RAD51B: variants seen among roughly 807,000 people sequenced by gnomAD.
The protein encoded by RAD51B is DNA repair protein RAD51 homolog 2.
Under a neutral mutation model 42.2 loss-of-function variants are expected in RAD51B, and 38 were observed. The ratio of observed to expected loss-of-function variants is 0.90; its 90% CI spans 0.70 to 1.18. RAD51B has a LOEUF of 1.18. Among genes scored for constraint, RAD51B ranks in the 50% most tolerant of loss-of-function variants. The pLI, the probability that RAD51B is intolerant of heterozygous loss-of-function variation, is 0.00. For synonymous variants in RAD51B, 154 were observed against 145.2 expected (o/e 1.06, Z -0.43); for missense variants, 373 against 400.7 (o/e 0.93, Z 0.59).
rs186548878 is a variant in RAD51B, at chr14:68,232,883, G to A, written c.757-59001G>A. Among the ~76,000 whole-genome samples the A allele has an allele frequency of 1.2e-3, 188 of 152,226 alleles. 1 individual carries two copies. The highest frequency in any genetic ancestry group is 4.4e-3 in the African/African-American group (184 of 41,530). ...TCATTTTCTTGTTCTGACTCATTCA[G>A]GCCTCTAGAAAAATAGCTGTAGGTA... is the stretch of plus-strand genomic sequence containing the variant. On this transcript the variant is annotated intron_variant, in intron 7 of 10. Transcript: ENST00000471583.
intron 7 of RAD51B, among the ~76,000 whole-genome samples, chr14:67,948,599 A>C (rs970161567): frequency 1.3e-5 from 2 of 151,986 alleles, no homozygotes; most frequent in African/African-American, 2.4e-5. Context: ...TTTATACTAC[A>C]TTGTAGTCTA....
At chr14:68,653,910 GC>G (rs1892755240) in intron 11 of RAD51B, among the ~76,000 whole-genome samples, 1 of 152,252 alleles carries the variant, frequency 6.6e-6, no homozygotes, top group African/African-American at 2.4e-5. Flanking sequence ...GCCTGACATG[GC>G]AGCTACTGGG....
At chr14:68,112,451 G>A (rs2077474216) in intron 7 of RAD51B, among the ~76,000 whole-genome samples, 1 of 152,058 alleles carries the variant, frequency 6.6e-6, no homozygotes, top group South Asian at 2.1e-4. Context: ...CCTGGACTAA[G>A]ATAGATGGCA....
intron 7 of RAD51B, among the ~76,000 whole-genome samples, chr14:68,163,196 A>G (rs1403130150): frequency 1.3e-5 from 2 of 152,216 alleles, no homozygotes; most frequent in Non-Finnish European, 2.9e-5. Flanking sequence ...ATCTTTTACA[A>G]TCCAGCAAGT....
At chr14:68,252,527 CCAAA>C (rs1333484452) in intron 7 of RAD51B, among the ~76,000 whole-genome samples, 1 of 152,116 alleles carries the variant, frequency 6.6e-6, no homozygotes, top group Non-Finnish European at 1.5e-5. Context: ...ATGTCTTTTG[CCAAA>C]CAATGGAGAA....
At chr14:68,001,796 C>T (rs1164820437) in intron 7 of RAD51B, among the ~76,000 whole-genome samples, 4 of 152,092 alleles carry the variant, frequency 2.6e-5, no homozygotes, top group Non-Finnish European at 4.4e-5. Context: ...GAACATGTGG[C>T]GTTTGGTTTT....
At chr14:68,662,334 A>G (rs551124083) in intron 11 of RAD51B, among the ~76,000 whole-genome samples, 1 of 152,326 alleles carries the variant, frequency 6.6e-6, no homozygotes, top group East Asian at 1.9e-4. Context: ...TAATCCTATT[A>G]TATTTCATCT....
intron 7 of RAD51B, among the ~76,000 whole-genome samples, chr14:68,196,480 A>G (rs1021568005): frequency 6.6e-6 from 1 of 151,942 alleles, no homozygotes; most frequent in Non-Finnish European, 1.5e-5. Flanking sequence ...ACATCTTCAC[A>G]CAGGTTCTTT....
chr14:67,989,649 A>AAAAAG (rs2075257428), intron 7 of RAD51B, among the ~76,000 whole-genome samples: 1 of 150,968 alleles, frequency 6.6e-6, no homozygotes, highest in Non-Finnish European at 1.5e-5. Flanking sequence ...AAAAAAAAAA[A>AAAAAG]AAAAAAAAGA....
chr14:67,963,936 C>G (rs2074717942), intron 7 of RAD51B, among the ~76,000 whole-genome samples: 1 of 151,742 alleles, frequency 6.6e-6, no homozygotes, highest in South Asian at 2.1e-4. Flanking sequence ...TGAAAACCAT[C>G]TAGTATATTT....
chr14:68,380,147 T>A (rs2083452162), intron 8 of RAD51B, among the ~76,000 whole-genome samples: 1 of 152,242 alleles, frequency 6.6e-6, no homozygotes, highest in African/African-American at 2.4e-5. Flanking sequence ...GGAGATGTTC[T>A]CGTGCTTAAA....
chr14:68,153,244 A>G (rs940949444), intron 7 of RAD51B, among the ~76,000 whole-genome samples: 6 of 152,140 alleles, frequency 3.9e-5, no homozygotes, highest in Non-Finnish European at 7.4e-5. Context: ...TAAATCCCAC[A>G]CTCGATTTTG....
chr14:68,084,977 A>G (rs562093471), intron 7 of RAD51B, among the ~76,000 whole-genome samples: 1 of 152,352 alleles, frequency 6.6e-6, no homozygotes, highest in Admixed American at 6.5e-5. Flanking sequence ...AATTTTATAC[A>G]GAGATATTTA....
intron 7 of RAD51B, among the ~76,000 whole-genome samples, chr14:68,061,321 G>A (rs773107824): frequency 4.6e-5 from 7 of 152,090 alleles, no homozygotes; most frequent in Non-Finnish European, 1.0e-4. Flanking sequence ...CACCCACCTT[G>A]GCCTCCCAAA....
intron 7 of RAD51B, among the ~76,000 whole-genome samples, chr14:67,895,302 A>G (rs2043376205): frequency 1.3e-5 from 2 of 152,190 alleles, no homozygotes; most frequent in Admixed American, 6.5e-5. Context: ...CTGAGTGGCA[A>G]TCTTGTTTTC....
At chr14:68,556,265 G>T (rs1888839226) in intron 10 of RAD51B, among the ~76,000 whole-genome samples, 1 of 152,168 alleles carries the variant, frequency 6.6e-6, no homozygotes, top group East Asian at 1.9e-4. Context: ...CCAGACCAGA[G>T]CCATCCTTGG....
At chr14:68,390,076 C>T (rs1390438290) in intron 8 of RAD51B, among the ~76,000 whole-genome samples, 1 of 152,184 alleles carries the variant, frequency 6.6e-6, no homozygotes, top group Non-Finnish European at 1.5e-5. Flanking sequence ...AGCCTCATCT[C>T]CACATCTGTT....
At chr14:68,156,351 C>T (rs541919520) in intron 7 of RAD51B, among the ~76,000 whole-genome samples, 56 of 151,952 alleles carry the variant, frequency 3.7e-4, no homozygotes, top group African/African-American at 1.3e-3. Context: ...CATTGTTATT[C>T]CTAGTTTTTT....
chr14:68,394,297 A>G (rs1298704098), intron 8 of RAD51B, among the ~76,000 whole-genome samples: 1 of 152,362 alleles, frequency 6.6e-6, no homozygotes, highest in East Asian at 1.9e-4. Flanking sequence ...CCCTCCAGGA[A>G]GGACGGGCTC....
Sources: gnomAD v4.1 joint callset for allele counts (sites outside exome capture counted in the v4.1 genomes callset) on GRCh38, gnomAD v4.1.1 for gene constraint, MANE v1.5 for transcripts, NCBI Gene and HGNC (gene_info 2026-07-23, HGNC 2026-07-21) for gene names.